The following MAN2A1 variants were observed in gnomAD, a reference collection of about 807,000 sequenced individuals.
The protein encoded by MAN2A1 is mannosidase alpha class 2A member 1.
In MAN2A1, 76 loss-of-function variants were observed where a neutral mutation model predicts 142.6. The ratio of observed to expected loss-of-function variants is 0.53; its 90% confidence interval spans 0.44 to 0.65. The LOEUF (loss-of-function observed/expected upper bound fraction) is 0.65. Ranked by LOEUF, MAN2A1 falls within the 30% of genes least tolerant of loss-of-function variation. The pLI, the probability that MAN2A1 is intolerant of heterozygous loss-of-function variation, is 0.00. For missense variants in MAN2A1, 1,311 were observed against 1,365.1 expected (o/e 0.96, Z 0.62); for synonymous variants, 559 against 473.2 (o/e 1.18, Z -2.35).
chr5:109,740,210 T>C (rs969286657), intron 4 of MAN2A1, among the ~76,000 whole-genome samples: 1 of 152,220 alleles, frequency 6.6e-6, no homozygotes, highest in African/African-American at 2.4e-5. Context: ...AATTACATCC[T>C]GCAAGATTAT....
intron 9 of MAN2A1, among the ~76,000 whole-genome samples, chr5:109,782,821 A>G (rs2112668837): frequency 6.6e-6 from 1 of 152,252 alleles, no homozygotes; most frequent in South Asian, 2.1e-4. Context: ...TTTATGGAGT[A>G]CATGTGATAT....
Position 109,837,735 on chromosome 5 carries a change from G to A in MAN2A1, c.2567-4593G>A, listed in dbSNP as rs955189956. Among the ~76,000 whole-genome samples, 6 of 152,134 alleles carry A rather than the reference G, an allele frequency of 3.9e-5. No individual in the cohort carries two copies. In the East Asian group the frequency reaches 5.8e-4, roughly 15 times the overall value. ...GTATACGTTTATTGTACATGTCTAC[G>A]TGCTGGGAACATGAAGATAAATAAG... On this transcript the variant is annotated intron_variant, in intron 16 of 21. Coordinates refer to ENST00000261483, the MANE Select transcript of MAN2A1 (RefSeq NM_002372.4).
At chr5:109,836,897 G>T (rs1755070822) in intron 16 of MAN2A1, among the ~76,000 whole-genome samples, 1 of 151,916 alleles carries the variant, frequency 6.6e-6, no homozygotes, top group Non-Finnish European at 1.5e-5. Flanking sequence ...GTATAGTATT[G>T]TGTTTGTGTC....
intron 1 of MAN2A1, chr5:109,699,918 T>C (rs1042472594): frequency 6.6e-6 from 1 of 152,200 alleles, no homozygotes; most frequent in African/African-American, 2.4e-5. Flanking sequence ...TTAAATACCA[T>C]GCAGTATATG....
chr5:109,703,867 A>G (rs538453293), intron 1 of MAN2A1, among the ~76,000 whole-genome samples: 3 of 152,320 alleles, frequency 2.0e-5, no homozygotes, highest in East Asian at 3.9e-4. Flanking sequence ...GATGTCTAAA[A>G]TGTTGCCTCA....
chr5:109,781,485 T>TTTTTCAC lies in MAN2A1; in HGVS notation c.1466_1467insTTCACTT (p.Leu489PhefsTer15). The TTTTTCAC allele has an allele frequency of 6.2e-7, 1 of 1,613,242 alleles. No homozygotes were observed. Among genetic ancestry groups the TTTTTCAC allele is most frequent in the Non-Finnish European group, 8.5e-7 (1 of 1,179,602 alleles). On this transcript the variant is annotated frameshift_variant, in exon 9 of 22. Transcript: ENST00000261483. LOFTEE classifies it high-confidence loss of function. ...ACAAGGGCCAATCGATGTTCCCTGT[T>TTTTTCAC]TTAAGTGGAGATTTTTTCACTTATG...
chr5:109,826,481 C>G (rs1180779960), intron 16 of MAN2A1, among the ~76,000 whole-genome samples: 1 of 152,090 alleles, frequency 6.6e-6, no homozygotes, highest in Non-Finnish European at 1.5e-5. Flanking sequence ...CCAGAATCAC[C>G]TGAAATGCTT....
In MAN2A1 at chr5:109,709,278, G is replaced by A. The variant is rs189220912; in HGVS notation, c.136-4242G>A. Among the ~76,000 whole-genome samples the A allele has an allele frequency of 2.6e-3, 399 of 152,296 alleles. 1 individual carries two copies. Among genetic ancestry groups the A allele is most frequent in the Non-Finnish European group, 3.5e-3 (237 of 68,012 alleles). On this transcript the variant is annotated intron_variant, in intron 1 of 21. Coordinates refer to ENST00000261483, the MANE Select transcript of MAN2A1 (RefSeq NM_002372.4). ...TTTTACCTATGAGAATGGCATTTTC[G>A]TATAGTTTGATCTAATAGAACATGT...
At chr5:109,837,417 A>G (rs970608971) in intron 16 of MAN2A1, among the ~76,000 whole-genome samples, 6 of 151,880 alleles carry the variant, frequency 4.0e-5, no homozygotes, top group African/African-American at 1.5e-4. Flanking sequence ...TCTTCTCTCT[A>G]CTCGCTTACT....
intron 8 of MAN2A1, among the ~76,000 whole-genome samples, chr5:109,780,012 G>A (rs1753410915): frequency 6.6e-6 from 1 of 152,050 alleles, no homozygotes; most frequent in African/African-American, 2.4e-5. Context: ...CAGTGAATAA[G>A]TGATAGCTAA....
chr5:109,791,256 T>C (rs1753730715), intron 12 of MAN2A1, among the ~76,000 whole-genome samples: 2 of 152,152 alleles, frequency 1.3e-5, no homozygotes, highest in South Asian at 4.1e-4. Context: ...CAGATTCTTA[T>C]TTGTTTTTAT....
At chr5:109,696,323 T>A (rs1314538789) in intron 1 of MAN2A1, among the ~76,000 whole-genome samples, 2 of 152,158 alleles carry the variant, frequency 1.3e-5, no homozygotes, top group Non-Finnish European at 2.9e-5. Context: ...ATGGTCTCGA[T>A]CTCCTGATCT....
At chr5:109,767,384 TGG>T (rs1753020633) in intron 5 of MAN2A1, 149 bp from the exon 6 acceptor site, 1 of 549,548 alleles carries the variant, frequency 1.8e-6, no homozygotes, top group African/African-American at 1.9e-5. Flanking sequence ...GATATCTTGC[TGG>T]GAATACTTGG....
At chr5:109,855,449 A>G (rs1755584209) in intron 20 of MAN2A1, 115 bp downstream of exon 20, 3 of 623,060 alleles carry the variant, frequency 4.8e-6, no homozygotes, top group Non-Finnish European at 5.0e-6. Flanking sequence ...AGGAATTATT[A>G]ACAGGGCTTC....
At chr5:109,788,783 A>G in intron 10 of MAN2A1, 151 bp from the exon 11 acceptor site, 3 of 552,574 alleles carry the variant, frequency 5.4e-6, no homozygotes, top group Non-Finnish European at 6.5e-6. Flanking sequence ...TTCTAGGGGA[A>G]AAAAGAGCAG....
intron 9 of MAN2A1, among the ~76,000 whole-genome samples, chr5:109,783,467 A>G (rs1366044520): frequency 6.6e-6 from 1 of 152,186 alleles, no homozygotes. Flanking sequence ...GTTAACATAG[A>G]TACACAATTT....
chr5:109,833,287 C>T (rs1346727268), intron 16 of MAN2A1, among the ~76,000 whole-genome samples: 8 of 152,148 alleles, frequency 5.3e-5, no homozygotes, highest in African/African-American at 1.9e-4. Context: ...GCAGAGGCTG[C>T]AATCTCGGCA....
intron 2 of MAN2A1, among the ~76,000 whole-genome samples, chr5:109,714,245 G>A (rs1223123655): frequency 6.6e-6 from 1 of 150,902 alleles, no homozygotes; most frequent in African/African-American, 2.4e-5. Context: ...GTACTTTCCA[G>A]TATGGAAGCC....
intron 3 of MAN2A1, among the ~76,000 whole-genome samples, chr5:109,720,819 A>C (rs1279127817): frequency 6.6e-6 from 1 of 152,240 alleles, no homozygotes; most frequent in African/African-American, 2.4e-5. Flanking sequence ...GGAGACTTAG[A>C]AGTCTGGTTG....
Sources: gnomAD v4.1 joint callset for allele counts (sites outside exome capture counted in the v4.1 genomes callset) on GRCh38, gnomAD v4.1.1 for gene constraint, MANE v1.5 for transcripts, NCBI Gene and HGNC (gene_info 2026-07-23, HGNC 2026-07-21) for gene names.